Variants in DRC1 observed in about 807,000 individuals in gnomAD.
The protein encoded by DRC1 is dynein regulatory complex protein 1.
DRC1 carries 74 observed loss-of-function variants against 98.7 expected under a neutral mutation model. The ratio of observed to expected loss-of-function variants is 0.75; its 90% CI spans 0.62 to 0.91. DRC1 has a LOEUF of 0.91. Ranked by LOEUF, DRC1 falls within the 40% of genes least tolerant of loss-of-function variation. DRC1 has a pLI of 0.00. For missense variants in DRC1, 875 were observed against 886.0 expected (o/e 0.99, Z 0.16); for synonymous variants, 336 against 334.1 (o/e 1.01, Z -0.06).
intron 10 of DRC1, 59 bp downstream of exon 10, chr2:26,445,007 T>C: frequency 6.5e-7 from 1 of 1,547,416 alleles, no homozygotes; most frequent in African/African-American, 1.4e-5. Flanking sequence ...GAACATCGGG[T>C]CAAGCCAGTC....
At chr2:26,426,435 C>T (rs1663285439) in intron 4 of DRC1, among the ~76,000 whole-genome samples, 1 of 149,962 alleles carries the variant, frequency 6.7e-6, no homozygotes, top group Admixed American at 6.6e-5. Context: ...GGTTTGATCT[C>T]GGCTCACTGC....
intron 4 of DRC1, among the ~76,000 whole-genome samples, chr2:26,425,555 T>C (rs1480512261): frequency 6.6e-6 from 1 of 152,254 alleles, no homozygotes. Context: ...ACACAAGGGT[T>C]CTAACTTCTC....
At chr2:26,410,075 C>T (rs1678552000) in intron 1 of DRC1, among the ~76,000 whole-genome samples, 3 of 149,322 alleles carry the variant, frequency 2.0e-5, no homozygotes, top group Non-Finnish European at 1.5e-5. Flanking sequence ...ATGGCAACCA[C>T]GAAACAAGAA....
intron 1 of DRC1, among the ~76,000 whole-genome samples, chr2:26,403,380 T>C (rs1678314955): frequency 6.6e-6 from 1 of 152,218 alleles, no homozygotes; most frequent in African/African-American, 2.4e-5. Context: ...CAGTATAGTA[T>C]TATACCAAAT....
rs758085776 is a variant in DRC1 at position 26,421,393 on chromosome 2, C to T, written c.349C>T (p.Arg117Cys). 9.9e-6 allele frequency: 16 copies of T among 1,612,274 alleles called. No individual in the cohort carries two copies. Among genetic ancestry groups the T allele is most frequent in the East Asian group, 4.5e-5 (2 of 44,796 alleles). ...HRRVEEEEIK[R>C]QRIEKLENEV... is the part of the protein sequence containing the mutation. ...GAGAGTCGAAGAAGAGGAGATAAAG[C>T]GTCAAAGGTAAGGACTGTGCTACTC... The change falls in exon 3 of 17, where the codon CGT (arginine) becomes TGT (cysteine). Residue 117 changes from arginine to cysteine, a missense_variant. Coordinates refer to ENST00000288710, the MANE Select transcript of DRC1 (RefSeq NM_145038.5).
At chr2:26,429,854 T>G in intron 5 of DRC1, 89 bp downstream of exon 5, 1 of 1,382,346 alleles carries the variant, frequency 7.2e-7, no homozygotes, top group Non-Finnish European at 9.9e-7. Context: ...AGGAGGGCCC[T>G]ACATGACTTC....
At chr2:26,433,114 A>T (rs72852785) in intron 7 of DRC1, among the ~76,000 whole-genome samples, 3,893 of 152,304 alleles carry the variant, frequency 0.026, 145 homozygotes, top group African/African-American at 0.081. Context: ...TTTGGTATTG[A>T]AGAAGGATTC....
chr2:26,418,744 A>T (rs556477596), intron 2 of DRC1, among the ~76,000 whole-genome samples: 1,713 of 100,166 alleles, frequency 0.017, 57 homozygotes, highest in African/African-American at 0.06. Flanking sequence ...ATTTATATAT[A>T]ATATAAATTA....
Position 26,429,755 on chromosome 2 carries a change from A to G in DRC1, c.668A>G (p.Tyr223Cys). 1 of 1,614,120 alleles carries G rather than the reference A, an allele frequency of 6.2e-7. No individual in the cohort carries two copies. Residue 223 changes from tyrosine to cysteine, a missense_variant, in exon 5 of 17, where the codon TAT becomes TGT. Coordinates refer to ENST00000288710, the MANE Select transcript of DRC1 (RefSeq NM_145038.5). ...NVMKTFREEL[Y>C]NIEKAFEVER... ...ATGAAAACCTTTCGTGAGGAGCTCT[A>G]TAACATTGAGGTAACAGGGTGTGAA... is the stretch of plus-strand genomic sequence containing the variant.
chr2:26,419,185 G>C lies in DRC1; in HGVS notation c.244-2103G>C, dbSNP rs183027918. On this transcript the variant is annotated intron_variant, in intron 2 of 16. Coordinates refer to ENST00000288710, the MANE Select transcript of DRC1 (RefSeq NM_145038.5). ...ATTACAGGTGTGAGCCACCATGCCC[G>C]GCTGAATGTTTTATTTAACAATTTT... Among the ~76,000 whole-genome samples the C allele has an allele frequency of 3.2e-3, 492 of 152,012 alleles. 3 individuals carry two copies. The highest frequency in any genetic ancestry group is 0.011 in the African/African-American group (469 of 41,446).
At chr2:26,438,257 A>G (rs745451356) in intron 7 of DRC1, among the ~76,000 whole-genome samples, 2 of 152,298 alleles carry the variant, frequency 1.3e-5, no homozygotes, top group East Asian at 1.9e-4. Flanking sequence ...ACACGCCAAC[A>G]TTAACAGAAG....
chr2:26,403,621 C>G (rs13422879), intron 1 of DRC1, among the ~76,000 whole-genome samples: 17,238 of 151,742 alleles, frequency 0.11, 2,918 homozygotes, highest in African/African-American at 0.37. Context: ...ATGGCGAAAC[C>G]CTGTCTGTAC....
intron 4 of DRC1, among the ~76,000 whole-genome samples, chr2:26,427,799 C>T (rs1663324674): frequency 6.6e-6 from 1 of 152,202 alleles, no homozygotes; most frequent in Non-Finnish European, 1.5e-5. Flanking sequence ...TAATTTTTAG[C>T]TCCCACAAAT....
chr2:26,426,377 T>A (rs1425872453), intron 4 of DRC1, among the ~76,000 whole-genome samples: 2 of 151,840 alleles, frequency 1.3e-5, no homozygotes, highest in Non-Finnish European at 2.9e-5. Context: ...TTTATTTTTT[T>A]TTTTTTTGAG....
At chr2:26,410,832 A>C (rs1382583685) in intron 1 of DRC1, among the ~76,000 whole-genome samples, 5 of 151,904 alleles carry the variant, frequency 3.3e-5, no homozygotes, top group Non-Finnish European at 7.3e-5. Flanking sequence ...AAACACAACA[A>C]AACAAAACAA....
At chr2:26,435,774 G>A (rs1158089221) in intron 7 of DRC1, among the ~76,000 whole-genome samples, 7 of 149,718 alleles carry the variant, frequency 4.7e-5, no homozygotes, top group Admixed American at 4.0e-4. Flanking sequence ...TAAACTTTAT[G>A]TCAAACCGTA....
chr2:26,411,143 G>A (rs996419860), intron 1 of DRC1, among the ~76,000 whole-genome samples: 1 of 152,168 alleles, frequency 6.6e-6, no homozygotes, highest in Non-Finnish European at 1.5e-5. Flanking sequence ...AGGAGGGAGG[G>A]AGCTCAAATC....
In DRC1 at chr2:26,454,649, A is replaced by T; in HGVS notation, c.1922A>T (p.Asp641Val). The T allele has an allele frequency of 6.2e-7, 1 of 1,613,938 alleles. No individual in the cohort carries two copies. Among genetic ancestry groups the T allele is most frequent in the Admixed American group, 1.7e-5 (1 of 60,008 alleles). Residue 641 changes from aspartate (D) to valine (V), a missense_variant and splice_region_variant, in exon 15 of 17, where the codon GAC becomes GTC. Physicochemically the swap from Asp to Val is radical, Grantham distance 152. Coordinates refer to ENST00000288710, the MANE Select transcript of DRC1 (RefSeq NM_145038.5). The surrounding 1 kb of genome is among the most constrained non-coding windows in gnomAD (Gnocchi z 5.2). ...AFVMGLKKPR[D>V]SRAPLRVQKN... Reference sequence around the variant, plus strand: ...ATCACTGTGCTCTTGGCCTTCAGGGACTCGCGGGCCCCGCTGAGGGTACAG... The same window carrying T: ...ATCACTGTGCTCTTGGCCTTCAGGGTCTCGCGGGCCCCGCTGAGGGTACAG...
chr2:26,416,774 A>G (rs1293480152), intron 2 of DRC1, among the ~76,000 whole-genome samples: 1 of 152,088 alleles, frequency 6.6e-6, no homozygotes, highest in Admixed American at 6.6e-5. Context: ...TTTGGTATCT[A>G]TATGTCTGTC....
Sources: gnomAD v4.1 joint callset for allele counts (sites outside exome capture counted in the v4.1 genomes callset) on GRCh38, gnomAD v4.1.1 for gene constraint, Gnocchi (gnomAD v3.1) non-coding constraint, MANE v1.5 for transcripts, NCBI Gene and HGNC (gene_info 2026-07-23, HGNC 2026-07-21) for gene names.